Variants in SGCZ observed in about 807,000 individuals in gnomAD.
SGCZ encodes zeta-sarcoglycan.
In SGCZ, 40 loss-of-function variants were observed where a neutral mutation model predicts 41.3. That is an observed-to-expected ratio of 0.97 (90% CI 0.75 to 1.26). The LOEUF (loss-of-function observed/expected upper bound fraction) is 1.26, where lower values mean the gene tolerates loss of function less well. Ranked by LOEUF, SGCZ falls within the 50% of genes most tolerant of loss-of-function variation. The pLI, the probability that SGCZ is intolerant of heterozygous loss-of-function variation, is 0.00. For synonymous variants in SGCZ, 206 were observed against 137.5 expected, an observed-to-expected ratio of 1.50 and a Z score of -3.49; for missense variants, 552 against 369.8, an observed-to-expected ratio of 1.49 and a Z score of -4.04.
chr8:15,071,788 C>T (rs2131029137), intron 1 of SGCZ, among the ~76,000 whole-genome samples: 1 of 151,788 alleles, frequency 6.6e-6, no homozygotes, highest in African/African-American at 2.4e-5. Context: ...TGACTCTTCC[C>T]ACAAAAAAAA....
At chr8:14,137,021 C>G (rs903290213) in intron 5 of SGCZ, among the ~76,000 whole-genome samples, 9 of 152,106 alleles carry the variant, frequency 5.9e-5, no homozygotes, top group Non-Finnish European at 1.5e-5. Flanking sequence ...CTGGTGATAC[C>G]AAGGCAAACA....
chr8:15,145,177 T>C (rs1404710525), intron 1 of SGCZ, among the ~76,000 whole-genome samples: 2 of 152,204 alleles, frequency 1.3e-5, no homozygotes, highest in Non-Finnish European at 2.9e-5. Flanking sequence ...TAACTAATTC[T>C]TTACGATTCT....
intron 2 of SGCZ, among the ~76,000 whole-genome samples, chr8:14,423,530 C>T (rs1182670010): frequency 1.3e-5 from 2 of 152,084 alleles, no homozygotes; most frequent in African/African-American, 2.4e-5. Context: ...GATTCTCCTG[C>T]CTCAGCCTCC....
intron 2 of SGCZ, among the ~76,000 whole-genome samples, chr8:14,481,032 C>T (rs1801521519): frequency 6.6e-6 from 1 of 151,888 alleles, no homozygotes; most frequent in African/African-American, 2.4e-5. Context: ...AATAAAAAGG[C>T]TTCCAACAAA....
intron 1 of SGCZ, among the ~76,000 whole-genome samples, chr8:15,065,745 C>A (rs1039267902): frequency 4.6e-5 from 7 of 152,036 alleles, no homozygotes; most frequent in African/African-American, 1.7e-4. Flanking sequence ...TATTGTAATT[C>A]TTGAGTCACT....
At chr8:15,175,313 A>T (rs1388070136) in intron 1 of SGCZ, among the ~76,000 whole-genome samples, 18 of 152,126 alleles carry the variant, frequency 1.2e-4, no homozygotes, top group Non-Finnish European at 1.9e-4. Flanking sequence ...TGGATAAAGA[A>T]AATGTGATAC....
At chr8:14,886,030 T>A (rs189941095) in intron 1 of SGCZ, among the ~76,000 whole-genome samples, 5 of 98,936 alleles carry the variant, frequency 5.1e-5, no homozygotes, top group African/African-American at 2.0e-4. Flanking sequence ...TATATATATA[T>A]ATATAAAATT....
chr8:15,201,145 C>G (rs983012923), intron 1 of SGCZ, among the ~76,000 whole-genome samples: 20 of 152,098 alleles, frequency 1.3e-4, no homozygotes, highest in African/African-American at 4.6e-4. Context: ...GCCTGCAGAG[C>G]AGCTGGGACT....
At chr8:14,270,757 T>C (rs1051338445) in intron 3 of SGCZ, among the ~76,000 whole-genome samples, 1 of 152,168 alleles carries the variant, frequency 6.6e-6, no homozygotes, top group African/African-American at 2.4e-5. Context: ...CGGTATAGTA[T>C]ACATTCACAT....
At chr8:14,977,930 T>C (rs1288001681) in intron 1 of SGCZ, among the ~76,000 whole-genome samples, 2 of 151,840 alleles carry the variant, frequency 1.3e-5, no homozygotes, top group East Asian at 3.9e-4. Context: ...CACACATATA[T>C]ATCTAAATAT....
chr8:14,439,746 G>A (rs1445430805), intron 2 of SGCZ, among the ~76,000 whole-genome samples: 3 of 151,966 alleles, frequency 2.0e-5, no homozygotes, highest in Admixed American at 6.6e-5. Flanking sequence ...TAACTCTTAG[G>A]AAACAGAAAT....
intron 5 of SGCZ, among the ~76,000 whole-genome samples, chr8:14,122,607 G>A (rs1207437734): frequency 6.6e-6 from 1 of 152,170 alleles, no homozygotes; most frequent in Non-Finnish European, 1.5e-5. Flanking sequence ...AGTGAATTGA[G>A]TAACCTAAAA....
intron 2 of SGCZ, among the ~76,000 whole-genome samples, chr8:14,380,054 C>T (rs1340805105): frequency 2.0e-5 from 3 of 152,094 alleles, no homozygotes; most frequent in Admixed American, 6.5e-5. Context: ...TTAATCTTCA[C>T]TTCTGACTAT....
intron 1 of SGCZ, among the ~76,000 whole-genome samples, chr8:14,686,631 G>A (rs943681049): frequency 6.6e-6 from 1 of 152,030 alleles, no homozygotes; most frequent in Non-Finnish European, 1.5e-5. Context: ...AGAAGCAGGG[G>A]TACTGGGGTG....
At chr8:14,620,613 C>A (rs1462079798) in intron 1 of SGCZ, among the ~76,000 whole-genome samples, 2 of 152,140 alleles carry the variant, frequency 1.3e-5, no homozygotes, top group African/African-American at 2.4e-5. Context: ...ACAACCCCAT[C>A]AACAAGTGGG....
intron 1 of SGCZ, among the ~76,000 whole-genome samples, chr8:14,652,894 A>T (rs1675936051): frequency 6.6e-6 from 1 of 152,100 alleles, no homozygotes; most frequent in African/African-American, 2.4e-5. Flanking sequence ...AGCTATGCCT[A>T]ATTTCCCATT....
intron 1 of SGCZ, among the ~76,000 whole-genome samples, chr8:15,042,143 C>G (rs532464110): frequency 1.3e-5 from 2 of 152,238 alleles, no homozygotes; most frequent in South Asian, 4.2e-4. Flanking sequence ...CATTCTGGCT[C>G]TGAGTTAGGA....
intron 1 of SGCZ, among the ~76,000 whole-genome samples, chr8:14,824,146 C>G (rs1802209583): frequency 6.6e-6 from 1 of 151,994 alleles, no homozygotes; most frequent in Non-Finnish European, 1.5e-5. Context: ...AACAGACTTA[C>G]AAATGGGTTG....
chr8:14,712,952 C>T (rs1809570423), intron 1 of SGCZ, among the ~76,000 whole-genome samples: 1 of 151,952 alleles, frequency 6.6e-6, no homozygotes, highest in African/African-American at 2.4e-5. Flanking sequence ...GGCCAAGACA[C>T]AAAACATGTT....
Sources: gnomAD v4.1 joint callset for allele counts (sites outside exome capture counted in the v4.1 genomes callset) on GRCh38, gnomAD v4.1.1 for gene constraint, MANE v1.5 for transcripts, NCBI Gene and HGNC (gene_info 2026-07-23, HGNC 2026-07-21) for gene names.